The following ALCAM variants were observed in gnomAD, a reference collection of about 807,000 sequenced individuals.
The protein encoded by ALCAM is CD166 antigen.
ALCAM carries 30 observed loss-of-function variants against 70.9 expected under a neutral mutation model. That is an observed-to-expected ratio of 0.42 (90% confidence interval 0.32 to 0.57). The LOEUF (loss-of-function observed/expected upper bound fraction) is 0.57, where lower values mean the gene tolerates loss of function less well. Ranked by LOEUF, ALCAM falls within the 20% of genes least tolerant of loss-of-function variation. ALCAM has a pLI of 0.11. For synonymous variants in ALCAM, 249 were observed against 242.5 expected (o/e 1.03, Z -0.25); for missense variants, 591 against 695.1 (o/e 0.85, Z 1.68).
At chr3:105,431,538 C>A (rs999991084) in intron 1 of ALCAM, among the ~76,000 whole-genome samples, 7 of 151,938 alleles carry the variant, frequency 4.6e-5, no homozygotes, top group Non-Finnish European at 8.8e-5. Context: ...TTACAGTGGC[C>A]AAAGGACAGC....
At chr3:105,530,720 T>C (rs1247602761) in intron 3 of ALCAM, among the ~76,000 whole-genome samples, 1 of 152,026 alleles carries the variant, frequency 6.6e-6, no homozygotes, top group Non-Finnish European at 1.5e-5. Flanking sequence ...CATGGGAGGA[T>C]TTATTGTTTT....
chr3:105,526,963 C>T (rs1035226685), intron 3 of ALCAM, among the ~76,000 whole-genome samples: 4 of 152,146 alleles, frequency 2.6e-5, no homozygotes, highest in Non-Finnish European at 5.9e-5. Flanking sequence ...TCCTCATGAG[C>T]TAAGTCAAAT....
At chr3:105,432,543 G>GTT (rs1451800357) in intron 1 of ALCAM, among the ~76,000 whole-genome samples, 1 of 152,026 alleles carries the variant, frequency 6.6e-6, no homozygotes, top group African/African-American at 2.4e-5. Flanking sequence ...GGTTTAAAAG[G>GTT]TTTTTGTTTT....
At chr3:105,524,677 C>CAA in intron 3 of ALCAM, 169 bp downstream of exon 3, 2 of 1,331,152 alleles carry the variant, frequency 1.5e-6, no homozygotes, top group Non-Finnish European at 1.9e-6. Flanking sequence ...GCAAAGAAAA[C>CAA]AAAGAGTATG....
chr3:105,532,081 T>C lies in ALCAM; in HGVS notation c.459+15T>C, dbSNP rs773441884. On this transcript the variant is annotated intron_variant, in intron 4 of 15. Transcript: ENST00000306107. ...AGCTAAAAAAGGTAAGAATTGTTTTTGATTAATACCTTTATTTAGCCAGTG... is the reference window on the plus strand; with the variant it reads ...AGCTAAAAAAGGTAAGAATTGTTTTCGATTAATACCTTTATTTAGCCAGTG... 23 of 1,606,736 alleles carry C rather than the reference T, an allele frequency of 1.4e-5. No homozygotes were observed. Among genetic ancestry groups the C allele is most frequent in the South Asian group, 2.2e-5 (2 of 90,738 alleles).
At chr3:105,462,806 T>C (rs916376556) in intron 1 of ALCAM, among the ~76,000 whole-genome samples, 14 of 151,440 alleles carry the variant, frequency 9.2e-5, no homozygotes, top group Admixed American at 9.2e-4. Flanking sequence ...TATATGTACT[T>C]ACAAAGCTTT....
At chr3:105,546,223 CA>C (rs34762714) in intron 9 of ALCAM, among the ~76,000 whole-genome samples, 113,403 of 151,190 alleles carry the variant, frequency 0.75, 43,364 homozygotes, top group Admixed American at 0.85. Flanking sequence ...GTTCAGAAAA[CA>C]ACACATACCA....
intron 1 of ALCAM, among the ~76,000 whole-genome samples, chr3:105,502,604 G>A (rs1938955498): frequency 6.6e-6 from 1 of 152,244 alleles, no homozygotes; most frequent in African/African-American, 2.4e-5. Context: ...CTTTTGTACA[G>A]CTGGGAAAGA....
chr3:105,525,147 T>A, intron 3 of ALCAM: 1 of 982,806 alleles, frequency 1.0e-6, no homozygotes, highest in Non-Finnish European at 1.2e-6. Context: ...TTTAGAAAAT[T>A]GTCCTAAAAT....
At position 105,524,470 on chromosome 3, in the gene ALCAM, A is replaced by C; in HGVS notation, c.356A>C (p.Asp119Ala). ...TTTGTGTGCATGCTAGTAACTGAGG[A>C]CAACGTGTTTGAGGCACCTACAATA... ...KRFVCMLVTE[D>A]NVFEAPTIVK... Residue 119 changes from aspartate to alanine, a missense_variant, in exon 3 of 16, where the codon GAC becomes GCC. Transcript: ENST00000306107. 1 of 1,614,140 alleles carries C rather than the reference A, an allele frequency of 6.2e-7. No homozygotes were observed. The highest frequency in any genetic ancestry group is 8.5e-7 in the Non-Finnish European group (1 of 1,179,984).
At chr3:105,534,603 G>T (rs773584250) in intron 5 of ALCAM, 60 bp from the exon 6 acceptor site, 2 of 1,520,886 alleles carry the variant, frequency 1.3e-6, no homozygotes, top group South Asian at 2.2e-5. Flanking sequence ...GTGCTGTTTC[G>T]TTAAGGATTG....
chr3:105,556,907 T>C (rs1940530454), intron 14 of ALCAM, among the ~76,000 whole-genome samples: 1 of 152,054 alleles, frequency 6.6e-6, no homozygotes, highest in African/African-American at 2.4e-5. Context: ...TTTTTCTCTT[T>C]TTTTGGTTAT....
At chr3:105,389,239 T>G (rs1174117735) in intron 1 of ALCAM, among the ~76,000 whole-genome samples, 3 of 151,456 alleles carry the variant, frequency 2.0e-5, no homozygotes, top group African/African-American at 7.3e-5. Context: ...TCTTTATCCT[T>G]ATTTATTAAA....
chr3:105,450,205 G>A (rs1234023281), intron 1 of ALCAM, among the ~76,000 whole-genome samples: 1 of 152,164 alleles, frequency 6.6e-6, no homozygotes, highest in Admixed American at 6.5e-5. Flanking sequence ...CTTAAATCAT[G>A]GGTTGAGTTC....
chr3:105,541,804 A>C (rs747778020), intron 8 of ALCAM, 39 bp downstream of exon 8: 1 of 1,608,384 alleles, frequency 6.2e-7, no homozygotes, highest in Non-Finnish European at 8.5e-7. Context: ...TTCACCTCAA[A>C]GGCTTCTAAT....
chr3:105,475,387 G>A (rs1480319160), intron 1 of ALCAM, among the ~76,000 whole-genome samples: 2 of 151,934 alleles, frequency 1.3e-5, no homozygotes, highest in Non-Finnish European at 1.5e-5. Flanking sequence ...AATCACTCAG[G>A]TAAATCTAGA....
At chr3:105,437,983 ATAAAT>A (rs151081041) in intron 1 of ALCAM, among the ~76,000 whole-genome samples, 28 of 152,256 alleles carry the variant, frequency 1.8e-4, no homozygotes, top group African/African-American at 6.5e-4. Context: ...TTATTTGTAA[ATAAAT>A]AAGTCTCTAA....
chr3:105,480,236 G>A (rs1030398863), intron 1 of ALCAM, among the ~76,000 whole-genome samples: 5 of 151,996 alleles, frequency 3.3e-5, no homozygotes, highest in African/African-American at 1.2e-4. Context: ...TATAATCCCA[G>A]CTACTCGGGA....
chr3:105,442,451 A>G (rs186368820), intron 1 of ALCAM, among the ~76,000 whole-genome samples: 1 of 152,318 alleles, frequency 6.6e-6, no homozygotes, highest in Non-Finnish European at 1.5e-5. Context: ...TGAGAGAAAA[A>G]AAGATTTTTA....
Sources: allele counts gnomAD v4.1 joint callset (sites outside exome capture counted in the v4.1 genomes callset), GRCh38; gene constraint gnomAD v4.1.1; transcripts MANE v1.5; gene names NCBI Gene and HGNC (gene_info 2026-07-23, HGNC 2026-07-21).